HMG20A: variants seen among roughly 807,000 people sequenced by gnomAD.
HMG20A encodes the protein high mobility group 20A.
A neutral mutation model predicts 43.9 loss-of-function variants in HMG20A; 17 were observed. That is an observed-to-expected ratio of 0.39 (90% confidence interval 0.27 to 0.58). The LOEUF is 0.58. HMG20A is among the 20% of genes least tolerant of loss of function. The pLI, the probability that HMG20A is intolerant of heterozygous loss-of-function variation, is 0.59. For synonymous variants in HMG20A, 132 were observed against 147.5 expected (o/e 0.89, Z 0.76); for missense variants, 341 against 438.2 (o/e 0.78, Z 1.98).
At chr15:77,425,546 C>T (rs1038558894) in intron 1 of HMG20A, among the ~76,000 whole-genome samples, 4 of 152,146 alleles carry the variant, frequency 2.6e-5, no homozygotes, top group African/African-American at 9.7e-5. Context: ...TAAGCACCTC[C>T]TATATAACTG....
intron 1 of HMG20A, among the ~76,000 whole-genome samples, chr15:77,444,948 TC>T (rs1304499946): frequency 6.6e-6 from 1 of 152,004 alleles, no homozygotes; most frequent in Admixed American, 6.5e-5. Flanking sequence ...TTTTCTGTCT[TC>T]AGCTTTTGGC....
At chr15:77,481,050 C>T (rs2072902315) in intron 9 of HMG20A, among the ~76,000 whole-genome samples, 1 of 152,104 alleles carries the variant, frequency 6.6e-6, no homozygotes, top group Non-Finnish European at 1.5e-5. Flanking sequence ...TGAGCACACT[C>T]ATATACATAA....
chr15:77,484,979 G>A lies in HMG20A; in HGVS notation c.*2016G>A, dbSNP rs1009875979. 8 of 152,176 alleles carry A rather than the reference G, an allele frequency of 5.3e-5. No homozygotes were observed. Among genetic ancestry groups the A allele is most frequent in the Non-Finnish European group, 1.2e-4 (8 of 68,042 alleles). The allele number at this position is 152,176 out of a possible 1,614,324, so 9.4% of individuals were successfully genotyped here. On this transcript the variant is annotated 3_prime_UTR_variant, in exon 10 of 10. Coordinates refer to ENST00000336216, the MANE Select transcript of HMG20A (RefSeq NM_001304504.2). The stretch of plus-strand genomic sequence containing the variant: ...TAGCACTGCTTTTGTGACCAGAAAA[G>A]GCCATAACATGGTCCAGGATCATCA...
chr15:77,472,033 C>T (rs1443730331), intron 6 of HMG20A, among the ~76,000 whole-genome samples: 5 of 152,000 alleles, frequency 3.3e-5, no homozygotes, highest in African/African-American at 1.2e-4. Flanking sequence ...CAATCCTTTC[C>T]TGTGATCTGA....
intron 1 of HMG20A, among the ~76,000 whole-genome samples, chr15:77,436,810 T>C (rs1328913388): frequency 6.6e-6 from 1 of 152,186 alleles, no homozygotes; most frequent in Non-Finnish European, 1.5e-5. Context: ...GAATGAACTT[T>C]TAGAAAGCAT....
chr15:77,478,292 C>T lies in HMG20A; in HGVS notation c.692-3C>T. The T allele has an allele frequency of 2.5e-6, 4 of 1,613,084 alleles. No homozygotes were observed. The highest frequency in any genetic ancestry group is 3.4e-6 in the Non-Finnish European group (4 of 1,179,974). On this transcript the variant is annotated splice_region_variant and splice_polypyrimidine_tract_variant and intron_variant, in intron 7 of 9. Transcript: ENST00000336216. ...ATGTGTTCTGTGGGATGTATGTCCT[C>T]AGCTCGGGAAGCAGAGCTCCGCCAG...
At chr15:77,447,444 T>C (rs12324795) in intron 1 of HMG20A, among the ~76,000 whole-genome samples, 33,508 of 152,152 alleles carry the variant, frequency 0.22, 4,140 homozygotes, top group Middle Eastern at 0.3. Context: ...CGTCCTAATA[T>C]TGACAGTTCT....
intron 6 of HMG20A, among the ~76,000 whole-genome samples, chr15:77,477,097 G>A (rs2142358080): frequency 6.6e-6 from 1 of 152,106 alleles, no homozygotes; most frequent in South Asian, 2.1e-4. Flanking sequence ...TTACATTTCT[G>A]CTTAAAATTC....
intron 1 of HMG20A, among the ~76,000 whole-genome samples, chr15:77,442,445 T>A (rs1168336553): frequency 6.6e-6 from 1 of 152,240 alleles, no homozygotes; most frequent in Non-Finnish European, 1.5e-5. Flanking sequence ...TGAGGCTACA[T>A]GATCCTTGTC....
the HMG20A span, among the ~76,000 whole-genome samples, chr15:77,506,023 C>T: frequency 6.8e-6 from 1 of 147,434 alleles, no homozygotes; most frequent in East Asian, 2.0e-4. Context: ...TCTTCAACCA[C>T]TTTTCCCATG....
intron 1 of HMG20A, among the ~76,000 whole-genome samples, chr15:77,450,856 T>C (rs2073729193): frequency 6.6e-6 from 1 of 152,212 alleles, no homozygotes; most frequent in African/African-American, 2.4e-5. Flanking sequence ...CTTGCCAGCA[T>C]TTGGTGGTAT....
chr15:77,476,425 C>T (rs1271959015), intron 6 of HMG20A, among the ~76,000 whole-genome samples: 1 of 135,634 alleles, frequency 7.4e-6, no homozygotes, highest in Non-Finnish European at 1.5e-5. Context: ...ACAGAGGTTG[C>T]AGTGAGCTGA....
intron 1 of HMG20A, among the ~76,000 whole-genome samples, chr15:77,443,385 T>G (rs574307373): frequency 0.013 from 1,664 of 127,976 alleles, 23 homozygotes; most frequent in African/African-American, 0.042. Flanking sequence ...TGATGATTAT[T>G]ATTATTATTA....
chr15:77,435,048 G>A (rs2073531560), intron 1 of HMG20A, among the ~76,000 whole-genome samples: 1 of 152,042 alleles, frequency 6.6e-6, no homozygotes, highest in South Asian at 2.1e-4. Context: ...AGCAAAAGAA[G>A]CCAGATAAGT....
At position 77,453,689 on chromosome 15, in the gene HMG20A, A is replaced by G. The variant is rs142165340; in HGVS notation, c.-4-4715A>G. On this transcript the variant is annotated intron_variant, in intron 1 of 9. Transcript: ENST00000336216. ...AAACAACCCAAGTCTATCAACTGATATGTGGATCAACAAAATGTGCAATAG... is the reference window on the plus strand; with the variant it reads ...AAACAACCCAAGTCTATCAACTGATGTGTGGATCAACAAAATGTGCAATAG... Among the ~76,000 whole-genome samples the G allele has an allele frequency of 5.7e-3, 865 of 152,348 alleles. 32 individuals are homozygous for G. The highest frequency in any genetic ancestry group is 0.051 in the Admixed American group (782 of 15,304).
rs1212179639 is a variant in HMG20A at position 77,485,205 on chromosome 15, A to G, written c.*2242A>G. 6.5e-6 allele frequency: 1 copy of G among 152,802 alleles called. No homozygotes were observed. The highest frequency in any genetic ancestry group is 1.9e-4 in the East Asian group (1 of 5,194). The allele number at this position is 152,802 out of a possible 1,614,324, so 9.5% of individuals were successfully genotyped here. ...AGATGCCACAAAACTGTCAGTATCT[A>G]TAGACCAGGTCTGTGCCACCTCCTC... is the stretch of plus-strand genomic sequence containing the variant. On this transcript the variant is annotated 3_prime_UTR_variant, in exon 10 of 10. Transcript: ENST00000336216.
At chr15:77,439,954 G>C (rs1438583871) in intron 1 of HMG20A, among the ~76,000 whole-genome samples, 1 of 151,610 alleles carries the variant, frequency 6.6e-6, no homozygotes, top group East Asian at 1.9e-4. Context: ...TTTTTCTATA[G>C]CTATTGATCA....
intron 1 of HMG20A, among the ~76,000 whole-genome samples, chr15:77,436,735 G>A (rs2073553085): frequency 6.6e-6 from 1 of 152,082 alleles, no homozygotes; most frequent in Non-Finnish European, 1.5e-5. Flanking sequence ...CTGGGATTCA[G>A]GTGTGAGCCA....
chr15:77,451,737 A>G (rs1282606018), intron 1 of HMG20A, among the ~76,000 whole-genome samples: 1 of 152,194 alleles, frequency 6.6e-6, no homozygotes, highest in Non-Finnish European at 1.5e-5. Flanking sequence ...TGAAGTACCA[A>G]GAAAAAAACA....
Sources: allele counts gnomAD v4.1 joint callset (sites outside exome capture counted in the v4.1 genomes callset), GRCh38; gene constraint gnomAD v4.1.1; transcripts MANE v1.5; gene names NCBI Gene and HGNC (gene_info 2026-07-23, HGNC 2026-07-21).